Variants in FAM171A1 observed in about 807,000 individuals in gnomAD.
FAM171A1 encodes family with sequence similarity 171 member A1, also known as protein FAM171A1.
Under a neutral mutation model 74.9 loss-of-function variants are expected in FAM171A1, and 23 were observed. That is an observed-to-expected ratio of 0.31 (90% CI 0.22 to 0.44). The LOEUF is 0.44. FAM171A1 is among the 20% of genes least tolerant of loss of function. The pLI, the probability that FAM171A1 is intolerant of heterozygous loss-of-function variation, is 1.00. For missense variants in FAM171A1, 1,162 were observed against 1,159.2 expected (o/e 1.00, Z -0.03); for synonymous variants, 527 against 505.7 (o/e 1.04, Z -0.57).
chr10:15,274,717 TTAGAAATAA>T (rs1834870837), intron 3 of FAM171A1, among the ~76,000 whole-genome samples: 1 of 152,128 alleles, frequency 6.6e-6, no homozygotes, highest in South Asian at 2.1e-4. Context: ...AACAGAGCCC[TTAGAAATAA>T]TACCACACAT....
At chr10:15,333,789 G>A (rs966106375) in intron 1 of FAM171A1, among the ~76,000 whole-genome samples, 3 of 148,288 alleles carry the variant, frequency 2.0e-5, no homozygotes, top group Non-Finnish European at 4.5e-5. Flanking sequence ...TGTAGTGATT[G>A]TGCCACTGCA....
At chr10:15,343,894 C>T (rs1835792622) in intron 1 of FAM171A1, among the ~76,000 whole-genome samples, 2 of 152,182 alleles carry the variant, frequency 1.3e-5, no homozygotes, top group Non-Finnish European at 2.9e-5. Flanking sequence ...CTAAGACAGT[C>T]TCAAAAGTGG....
intron 3 of FAM171A1, among the ~76,000 whole-genome samples, chr10:15,261,283 G>A (rs1373311991): frequency 6.6e-6 from 1 of 152,162 alleles, no homozygotes; most frequent in Non-Finnish European, 1.5e-5. Context: ...TTTCTGCCCT[G>A]GGGCTCTTTT....
At chr10:15,328,511 T>C (rs938040504) in intron 1 of FAM171A1, among the ~76,000 whole-genome samples, 1 of 152,186 alleles carries the variant, frequency 6.6e-6, no homozygotes, top group African/African-American at 2.4e-5. Context: ...TAACCCTGGA[T>C]ACAGAGCGAC....
chr10:15,267,603 A>T (rs1361026361), intron 3 of FAM171A1, among the ~76,000 whole-genome samples: 2 of 12,594 alleles, frequency 1.6e-4, no homozygotes, highest in Non-Finnish European at 3.7e-4. Flanking sequence ...CACCATCGCA[A>T]AAAAAAAAAA....
chr10:15,248,791 G>T lies in FAM171A1; in HGVS notation c.602C>A (p.Thr201Asn), dbSNP rs750820375. 1 of 1,612,870 alleles carries T rather than the reference G, an allele frequency of 6.2e-7. No homozygotes were observed. Among genetic ancestry groups the T allele is most frequent in the Non-Finnish European group, 8.5e-7 (1 of 1,179,382 alleles). Reference protein sequence around the residue: ...GTGNSTRHDLTPVTAVSVHLL... With the variant: ...GTGNSTRHDLNPVTAVSVHLL... ...GTGGACGCTGACGGCTGTGACTGGG[G>T]TCAGGTCATGCCTGGTGCTGTTTCC... is the stretch of plus-strand genomic sequence containing the variant. Residue 201 changes from threonine (T) to asparagine (N), a missense_variant, in exon 5 of 8, where the codon ACC (threonine) becomes AAC (asparagine). By Grantham distance (65) the Thr-to-Asn change is moderately conservative (BLOSUM62 0). Coordinates refer to ENST00000378116, the MANE Select transcript of FAM171A1 (RefSeq NM_001010924.2).
intron 5 of FAM171A1, chr10:15,240,678 C>G (rs1273737139): frequency 1.0e-6 from 1 of 980,012 alleles, no homozygotes; most frequent in Middle Eastern, 5.2e-4. Context: ...CTTTCAATTT[C>G]CTGGCAGTCA....
intron 1 of FAM171A1, among the ~76,000 whole-genome samples, chr10:15,287,889 A>T (rs756386809): frequency 6.6e-6 from 1 of 152,000 alleles, no homozygotes; most frequent in South Asian, 2.1e-4. Flanking sequence ...ACTGTACCCA[A>T]TGGGTAGTCT....
chr10:15,298,965 G>A (rs1011147107), intron 1 of FAM171A1, among the ~76,000 whole-genome samples: 2 of 152,178 alleles, frequency 1.3e-5, no homozygotes, highest in Non-Finnish European at 2.9e-5. Flanking sequence ...CTGTTACCCA[G>A]GCTGGAGTGC....
chr10:15,335,686 T>C (rs1355983749), intron 1 of FAM171A1, among the ~76,000 whole-genome samples: 2 of 152,192 alleles, frequency 1.3e-5, no homozygotes, highest in Non-Finnish European at 2.9e-5. Flanking sequence ...TTCAGCCTTC[T>C]TCATTTTCAG....
At chr10:15,343,161 C>T (rs918454522) in intron 1 of FAM171A1, among the ~76,000 whole-genome samples, 6 of 152,144 alleles carry the variant, frequency 3.9e-5, no homozygotes, top group Admixed American at 3.9e-4. Flanking sequence ...TAAAATGCTC[C>T]CCAGAGCCTG....
chr10:15,359,724 T>C (rs1038564205), intron 1 of FAM171A1, among the ~76,000 whole-genome samples: 1 of 152,232 alleles, frequency 6.6e-6, no homozygotes. Context: ...CAGAGAGACG[T>C]CGCAGAAGGG....
intron 1 of FAM171A1, among the ~76,000 whole-genome samples, chr10:15,343,723 G>A (rs548845596): frequency 3.9e-5 from 6 of 152,290 alleles, no homozygotes; most frequent in East Asian, 1.9e-4. Flanking sequence ...AGGTCTGGAC[G>A]GGGGACAGCC....
chr10:15,348,361 C>G (rs979532466), intron 1 of FAM171A1, among the ~76,000 whole-genome samples: 2 of 151,988 alleles, frequency 1.3e-5, no homozygotes, highest in Non-Finnish European at 2.9e-5. Context: ...TGGTCTTGAA[C>G]TCCTGGGCTC....
intron 1 of FAM171A1, among the ~76,000 whole-genome samples, chr10:15,292,343 T>C (rs1298760152): frequency 2.0e-5 from 3 of 152,200 alleles, no homozygotes; most frequent in East Asian, 3.9e-4. Flanking sequence ...AAACCTGTCC[T>C]GATAGGAAGT....
chr10:15,251,740 GCTAAA>G (rs778295315), intron 4 of FAM171A1, among the ~76,000 whole-genome samples: 37 of 152,010 alleles, frequency 2.4e-4, no homozygotes, highest in Non-Finnish European at 2.1e-4. Context: ...ATTTTGAAGG[GCTAAA>G]CTATTTTCCT....
At chr10:15,285,575 G>A (rs1337518201) in intron 1 of FAM171A1, among the ~76,000 whole-genome samples, 4 of 152,186 alleles carry the variant, frequency 2.6e-5, no homozygotes, top group African/African-American at 2.4e-5. Context: ...CCAGAACTAT[G>A]TGGGGGAGCA....
intron 1 of FAM171A1, among the ~76,000 whole-genome samples, chr10:15,312,673 G>GTTTTTTTTTTTTTTTTTTTTTTTTT (rs1169098742): frequency 5.5e-5 from 2 of 36,402 alleles, no homozygotes; most frequent in African/African-American, 2.3e-4. Context: ...AGCACTGTGT[G>GTTTTTTTTTTTTTTTTTTTTTTTTT]TTTTTTTTTT....
chr10:15,337,475 C>T (rs1051536269), intron 1 of FAM171A1, among the ~76,000 whole-genome samples: 2 of 150,780 alleles, frequency 1.3e-5, no homozygotes. Flanking sequence ...CGGTGGCTCC[C>T]GCCTGTAATC....
Sources: gnomAD v4.1 joint callset for allele counts (sites outside exome capture counted in the v4.1 genomes callset) on GRCh38, gnomAD v4.1.1 for gene constraint, MANE v1.5 for transcripts, NCBI Gene and HGNC (gene_info 2026-07-23, HGNC 2026-07-21) for gene names.